The following NRDE2 variants were observed in gnomAD, a reference collection of about 807,000 sequenced individuals.
NRDE2 encodes NRDE-2, necessary for RNA interference, domain containing, also known as nuclear exosome regulator NRDE2.
NRDE2 carries 76 observed loss-of-function variants against 124.2 expected under a neutral mutation model. The ratio of observed to expected loss-of-function variants is 0.61; its 90% confidence interval spans 0.51 to 0.74. The LOEUF (loss-of-function observed/expected upper bound fraction) is 0.74, where lower values mean the gene tolerates loss of function less well. Among genes scored for constraint, NRDE2 ranks in the 30% least tolerant of loss-of-function variants. The pLI, the probability that NRDE2 is intolerant of heterozygous loss-of-function variation, is 0.00. For synonymous variants in NRDE2, 489 were observed against 528.1 expected (o/e 0.93, Z 1.01); for missense variants, 1,314 against 1,417.3 (o/e 0.93, Z 1.17).
chr14:90,269,347 A>G lies in NRDE2; in HGVS notation c.*8989T>C, dbSNP rs775186195. On this transcript the variant is annotated 3_prime_UTR_variant, in exon 14 of 14. Coordinates refer to ENST00000354366, the MANE Select transcript of NRDE2 (RefSeq NM_017970.4). ...GAGGTCTTTGCTGTAATTCCCCTTG[A>G]GCAGGCGATCAGTTGAGTCTTCATT... 2 of 1,515,314 alleles carry G rather than the reference A, an allele frequency of 1.3e-6. No individual in the cohort carries two copies. Among genetic ancestry groups the G allele is most frequent in the Non-Finnish European group, 8.9e-7 (1 of 1,118,438 alleles). The allele number at this position is 1,515,314 out of a possible 1,614,324, so 93.9% of individuals were successfully genotyped here. A position where few individuals can be genotyped will look rare whatever the true frequency, so the allele number is the denominator to read the frequency against.
intron 4 of NRDE2, among the ~76,000 whole-genome samples, chr14:90,309,792 C>T (rs1337517826): frequency 6.6e-6 from 1 of 152,204 alleles, no homozygotes; most frequent in African/African-American, 2.4e-5. Flanking sequence ...CAGACCTGGA[C>T]ATTAACAGTT....
intron 4 of NRDE2, among the ~76,000 whole-genome samples, chr14:90,311,918 G>A (rs563536832): frequency 3.7e-4 from 56 of 152,260 alleles, no homozygotes; most frequent in East Asian, 2.9e-3. Context: ...CATTACTAAA[G>A]CAAATATCAT....
intron 4 of NRDE2, among the ~76,000 whole-genome samples, chr14:90,310,583 C>T (rs1447051114): frequency 5.3e-5 from 8 of 149,886 alleles, no homozygotes; most frequent in African/African-American, 2.0e-4. Flanking sequence ...TGCAGTGGCA[C>T]AATCTTGGCT....
chr14:90,325,104 G>A (rs1057451098), intron 1 of NRDE2, among the ~76,000 whole-genome samples: 1 of 152,100 alleles, frequency 6.6e-6, no homozygotes, highest in African/African-American at 2.4e-5. Flanking sequence ...GTGGAAGTGG[G>A]GAGTCAAGGT....
chr14:90,317,976 C>G (rs367948206), intron 2 of NRDE2, 29 bp downstream of exon 2: 4 of 1,577,880 alleles, frequency 2.5e-6, no homozygotes, highest in Middle Eastern at 1.7e-4. Flanking sequence ...CTGACAAAAA[C>G]GAAAACACAT....
In NRDE2 at chr14:90,288,314, A is replaced by G. The variant is rs775950590; in HGVS notation, c.3061T>C (p.Phe1021Leu). ...SHSASKTRRFFDTITRSAKPL... is the reference protein window; with the variant it reads ...SHSASKTRRFLDTITRSAKPL... ...TTGGCAGACCTGGTGATTGTGTCAA[A>G]AAATCTCCTGGTTTTGCTGGCACTG... The change falls in exon 11 of 14, where the codon TTT becomes CTT. Residue 1021 changes from phenylalanine (F) to leucine (L), a missense_variant. Physicochemically the swap from Phe to Leu is conservative, Grantham distance 22. Transcript: ENST00000354366. 31 of 1,614,104 alleles carry G rather than the reference A, an allele frequency of 1.9e-5. No individual in the cohort carries two copies. The East Asian group carries it at 6.7e-4, about 35-fold the overall frequency.
chr14:90,297,054 C>T (rs1884194226), intron 8 of NRDE2, among the ~76,000 whole-genome samples: 1 of 150,698 alleles, frequency 6.6e-6, no homozygotes. Context: ...CACAAGAATC[C>T]CTTGAACCTG....
At chr14:90,328,561 C>T (rs1418354076) in intron 1 of NRDE2, among the ~76,000 whole-genome samples, 1 of 152,146 alleles carries the variant, frequency 6.6e-6, no homozygotes, top group African/African-American at 2.4e-5. Context: ...AGGTTGCAAA[C>T]ACATGAATCC....
chr14:90,294,551 C>A (rs1050362493), intron 8 of NRDE2, among the ~76,000 whole-genome samples: 1 of 152,126 alleles, frequency 6.6e-6, no homozygotes, highest in East Asian at 1.9e-4. Context: ...TGAACCCTGA[C>A]GACACTACGC....
intron 8 of NRDE2, among the ~76,000 whole-genome samples, chr14:90,293,147 C>T (rs552554554): frequency 6.6e-6 from 1 of 152,148 alleles, no homozygotes; most frequent in Non-Finnish European, 1.5e-5. Context: ...TACTGTCCAA[C>T]AGAACTCGCT....
intron 1 of NRDE2, among the ~76,000 whole-genome samples, chr14:90,326,851 T>TG (rs1885458548): frequency 6.6e-6 from 1 of 152,166 alleles, no homozygotes; most frequent in African/African-American, 2.4e-5. Flanking sequence ...GCATATCCAC[T>TG]GTGGGCCATG....
intron 9 of NRDE2, among the ~76,000 whole-genome samples, chr14:90,292,187 C>T (rs1277256201): frequency 2.0e-5 from 3 of 152,200 alleles, no homozygotes; most frequent in Admixed American, 6.5e-5. Context: ...TTTCTTCTTC[C>T]GCAAGACACG....
intron 12 of NRDE2, among the ~76,000 whole-genome samples, chr14:90,283,190 G>C (rs1892003224): frequency 6.6e-6 from 1 of 152,158 alleles, no homozygotes; most frequent in Admixed American, 6.5e-5. Context: ...AGCCTGCCCA[G>C]ATGCCTCAGG....
rs560731965 is a variant in NRDE2, at chr14:90,298,461, A to G, written c.1546-81T>C. The G allele has an allele frequency of 1.8e-4, 252 of 1,373,610 alleles. No homozygotes were observed. The African/African-American group carries it at 2.3e-3, about 12-fold the overall frequency. The allele number at this position is 1,373,610 out of a possible 1,614,324, so 85.1% of individuals were successfully genotyped here. ...GTGGGCAAAATCCGCGCTGGTGGAT[A>G]TAAGAGAAGCTTATGATCCTTGAAA... On this transcript the variant is annotated intron_variant, in intron 7 of 13. Transcript: ENST00000354366.
At chr14:90,293,602 T>C (rs768989651) in intron 8 of NRDE2, among the ~76,000 whole-genome samples, 2 of 152,224 alleles carry the variant, frequency 1.3e-5, no homozygotes, top group Non-Finnish European at 2.9e-5. Flanking sequence ...TAGAGGTTAC[T>C]GTATTAGACA....
chr14:90,327,418 G>A (rs1463277763), intron 1 of NRDE2, among the ~76,000 whole-genome samples: 2 of 152,164 alleles, frequency 1.3e-5, no homozygotes, highest in African/African-American at 2.4e-5. Flanking sequence ...GTGTGGTGGT[G>A]CACACTAGCA....
In NRDE2 at chr14:90,292,814, G is replaced by T. The variant is rs1429875168; in HGVS notation, c.1725C>A (p.Pro575=). ...DDQEIKDKTL[P]RWQIWLAAER... ...CAGCAGCAAGCCAGATCTGCCACCT[G>T]GGCAGAGTCTTATCTTTTATTTCCT... Residue 575 remains proline, a synonymous_variant, in exon 9 of 14, where the codon CCC becomes CCA. Coordinates refer to ENST00000354366, the MANE Select transcript of NRDE2 (RefSeq NM_017970.4). 3 of 1,614,004 alleles carry T rather than the reference G, an allele frequency of 1.9e-6. No individual in the cohort carries two copies. In the Admixed American group the frequency reaches 5.0e-5, roughly 27 times the overall value.
chr14:90,302,365 C>T (rs1026224171), intron 6 of NRDE2, among the ~76,000 whole-genome samples: 1 of 152,194 alleles, frequency 6.6e-6, no homozygotes, highest in Non-Finnish European at 1.5e-5. Context: ...GTCAGGGCAT[C>T]TCACGGACAT....
chr14:90,327,555 A>G (rs1249592538), intron 1 of NRDE2, among the ~76,000 whole-genome samples: 1 of 149,212 alleles, frequency 6.7e-6, no homozygotes, highest in African/African-American at 2.6e-5. Flanking sequence ...TTTCTAAAAA[A>G]AGAAAAAAAA....
Sources: gnomAD v4.1 joint callset for allele counts (sites outside exome capture counted in the v4.1 genomes callset) on GRCh38, gnomAD v4.1.1 for gene constraint, MANE v1.5 for transcripts, NCBI Gene and HGNC (gene_info 2026-07-23, HGNC 2026-07-21) for gene names.